The following PLXNA4 variants were observed in gnomAD, a reference collection of about 807,000 sequenced individuals.
The protein encoded by PLXNA4 is plexin A4.
PLXNA4 carries 44 observed loss-of-function variants against 191.8 expected under a neutral mutation model. The ratio of observed to expected loss-of-function variants is 0.23; its 90% CI spans 0.18 to 0.29. PLXNA4 has a LOEUF of 0.29. Among genes scored for constraint, PLXNA4 ranks in the 10% least tolerant of loss-of-function variants. PLXNA4 has a pLI of 1.00. For missense variants in PLXNA4, 1,800 were observed against 2,488.8 expected, an observed-to-expected ratio of 0.72 and a Z score of 5.89; for synonymous variants, 1,082 against 1,009.5, an observed-to-expected ratio of 1.07 and a Z score of -1.36.
intron 29 of PLXNA4, among the ~76,000 whole-genome samples, chr7:132,142,228 C>G (rs557840082): frequency 6.6e-6 from 1 of 152,196 alleles, no homozygotes; most frequent in Non-Finnish European, 1.5e-5. Flanking sequence ...TATAATCCTA[C>G]GGCTTCCAAC....
chr7:132,389,329 T>C (rs1476079233), intron 3 of PLXNA4, among the ~76,000 whole-genome samples: 2 of 152,262 alleles, frequency 1.3e-5, no homozygotes, highest in Non-Finnish European at 2.9e-5. Context: ...GTTTTAGTCA[T>C]GAAGTCTTTG....
At chr7:132,391,787 A>C (rs1287281572) in intron 3 of PLXNA4, among the ~76,000 whole-genome samples, 1 of 152,068 alleles carries the variant, frequency 6.6e-6, no homozygotes, top group Non-Finnish European at 1.5e-5. Context: ...ACCGAGGCAG[A>C]CTCCACAATC....
intron 2 of PLXNA4, among the ~76,000 whole-genome samples, chr7:132,495,770 A>G (rs998281902): frequency 6.6e-6 from 1 of 152,178 alleles, no homozygotes; most frequent in Non-Finnish European, 1.5e-5. Context: ...AAGCTCACCC[A>G]TGGTGGGGCC....
chr7:132,630,732 C>G (rs1803477373), intron 2 of PLXNA4, among the ~76,000 whole-genome samples: 1 of 152,108 alleles, frequency 6.6e-6, no homozygotes, highest in Non-Finnish European at 1.5e-5. Context: ...AGGATGGTCT[C>G]AATCTCCTGA....
At chr7:132,462,936 G>A (rs1796570469) in intron 3 of PLXNA4, among the ~76,000 whole-genome samples, 3 of 143,166 alleles carry the variant, frequency 2.1e-5, no homozygotes, top group South Asian at 2.2e-4. Flanking sequence ...TGCAACCTCT[G>A]CCTGTCAGGT....
At chr7:132,372,072 C>T (rs959141945) in intron 3 of PLXNA4, among the ~76,000 whole-genome samples, 1 of 152,194 alleles carries the variant, frequency 6.6e-6, no homozygotes, top group Non-Finnish European at 1.5e-5. Flanking sequence ...TCAGTCAACG[C>T]ATCACCCACA....
intron 3 of PLXNA4, among the ~76,000 whole-genome samples, chr7:132,335,290 A>G (rs1212205573): frequency 6.6e-6 from 1 of 152,160 alleles, no homozygotes. Flanking sequence ...TTGATTCTGG[A>G]GGGAGGACAC....
chr7:132,280,139 C>T (rs1800425738), intron 4 of PLXNA4, among the ~76,000 whole-genome samples: 1 of 152,158 alleles, frequency 6.6e-6, no homozygotes, highest in Non-Finnish European at 1.5e-5. Context: ...AAATTGATTT[C>T]TCGACCCACT....
chr7:132,327,932 G>A lies in PLXNA4; in HGVS notation c.1372-29710C>T, dbSNP rs1443546593. 6.6e-5 allele frequency among the ~76,000 whole-genome samples: 10 copies of A among 152,232 alleles called. No individual in the cohort carries two copies. The East Asian group carries it at 1.9e-3, about 30-fold the overall frequency. On this transcript the variant is annotated intron_variant, in intron 3 of 31. Coordinates refer to ENST00000321063, the MANE Select transcript of PLXNA4 (RefSeq NM_020911.2). ...CCTTCCCACTGGTCCCTGAGAACAG[G>A]GAGAGCCGCCCTGTGTGGGGACACA...
chr7:132,373,698 G>A (rs1394296055), intron 3 of PLXNA4, among the ~76,000 whole-genome samples: 1 of 152,132 alleles, frequency 6.6e-6, no homozygotes, highest in African/African-American at 2.4e-5. Flanking sequence ...CTAATTTTTG[G>A]CTTTTTAGCA....
At chr7:132,293,328 C>T (rs1349157559) in intron 4 of PLXNA4, among the ~76,000 whole-genome samples, 1 of 152,146 alleles carries the variant, frequency 6.6e-6, no homozygotes, top group Non-Finnish European at 1.5e-5. Context: ...TTTCATGTGG[C>T]TGGGGAGGCC....
At chr7:132,250,856 T>C (rs1279125459) in intron 4 of PLXNA4, among the ~76,000 whole-genome samples, 1 of 152,176 alleles carries the variant, frequency 6.6e-6, no homozygotes, top group African/African-American at 2.4e-5. Context: ...CCTCATTTGA[T>C]ACCCAGTCCC....
Position 132,226,391 on chromosome 7 carries a change from A to T in PLXNA4, c.1883-131T>A, listed in dbSNP as rs1798323977. On this transcript the variant is annotated intron_variant, in intron 7 of 31. Coordinates refer to ENST00000321063, the MANE Select transcript of PLXNA4 (RefSeq NM_020911.2). ...TGTTGGCTTAACAGGGCTCTGACTC[A>T]GCAGACCCAGTCCCAGGACAACCCT... 3 of 677,672 alleles carry T rather than the reference A, an allele frequency of 4.4e-6. 1 individual carries two copies. The African/African-American group carries it at 5.4e-5, about 12-fold the overall frequency. 42.0% of individuals were successfully genotyped at this position (677,672 alleles called of 1,614,324 possible). A position where few individuals can be genotyped will look rare whatever the true frequency, so the allele number is the denominator to read the frequency against.
intron 1 of PLXNA4, among the ~76,000 whole-genome samples, chr7:132,516,017 G>A (rs570015057): frequency 8.5e-5 from 13 of 152,090 alleles, no homozygotes; most frequent in Admixed American, 2.0e-4. Context: ...TTGGAAACAC[G>A]TGAATGAATG....
intron 3 of PLXNA4, chr7:132,385,445 C>G (rs1339999176): frequency 1.9e-5 from 23 of 1,225,282 alleles, no homozygotes; most frequent in Non-Finnish European, 2.5e-5. Context: ...GTATTAAGAG[C>G]CTCAATATCT....
In PLXNA4 at chr7:132,145,202, C is replaced by T. The variant is rs1795384579; in HGVS notation, c.5142G>A (p.Lys1714=). The change falls in exon 29 of 32, where the codon AAG becomes AAA. Residue 1714 remains lysine, a synonymous_variant. Coordinates refer to ENST00000321063, the MANE Select transcript of PLXNA4 (RefSeq NM_020911.2). ...GCTCATCCAGGAAGTCAAACATGTA[C>T]TTGATGGCCAGGGGCAGGGCAGAGC... ...HRGSALPLAI[K]YMFDFLDEQA... 10 of 1,614,206 alleles carry T rather than the reference C, an allele frequency of 6.2e-6. No homozygotes were observed. The highest frequency in any genetic ancestry group is 8.5e-6 in the Non-Finnish European group (10 of 1,180,042).
chr7:132,559,286 T>C lies in PLXNA4; in HGVS notation c.-87+17136A>G, dbSNP rs536661517. 2.0e-5 allele frequency among the ~76,000 whole-genome samples: 3 copies of C among 152,146 alleles called. No individual in the cohort carries two copies. The East Asian group carries it at 5.8e-4, about 29-fold the overall frequency. On this transcript the variant is annotated intron_variant, in intron 1 of 31. Transcript: ENST00000321063. ...CCACCTCTATGGGGTTTTTGAAAGGTTAGAGCTCAAAAACACTTACCCTGC... is the reference window on the plus strand; with the variant it reads ...CCACCTCTATGGGGTTTTTGAAAGGCTAGAGCTCAAAAACACTTACCCTGC...
At chr7:132,490,810 C>T (rs769471730) in intron 2 of PLXNA4, among the ~76,000 whole-genome samples, 2 of 152,130 alleles carry the variant, frequency 1.3e-5, no homozygotes, top group South Asian at 2.1e-4. Context: ...GACCCTGACT[C>T]GCTTGCTCCT....
intron 2 of PLXNA4, among the ~76,000 whole-genome samples, chr7:132,602,349 A>T (rs1219613685): frequency 1.3e-5 from 2 of 152,176 alleles, no homozygotes; most frequent in African/African-American, 4.8e-5. Flanking sequence ...TTTGGAGCTC[A>T]GTCCAGAGCA....
Sources: allele counts gnomAD v4.1 joint callset (sites outside exome capture counted in the v4.1 genomes callset), GRCh38; gene constraint gnomAD v4.1.1; transcripts MANE v1.5; gene names NCBI Gene and HGNC (gene_info 2026-07-23, HGNC 2026-07-21).